Variants in NEXN observed in about 807,000 individuals in gnomAD.
NEXN encodes the protein nexilin.
Under a neutral mutation model 92.6 loss-of-function variants are expected in NEXN, and 65 were observed. The observed-to-expected ratio is 0.70, with a 90% CI of 0.57 to 0.86. The LOEUF (loss-of-function observed/expected upper bound fraction) is 0.86, where lower values mean the gene tolerates loss of function less well. NEXN is among the 40% of genes least tolerant of loss of function. NEXN has a pLI of 0.00. For synonymous variants in NEXN, 254 were observed against 242.5 expected, an observed-to-expected ratio of 1.05 and a Z score of -0.44; for missense variants, 778 against 771.1, an observed-to-expected ratio of 1.01 and a Z score of -0.11.
intron 6 of NEXN, 121 bp downstream of exon 6, chr1:77,925,350 CA>C: frequency 3.9e-6 from 3 of 760,044 alleles, no homozygotes; most frequent in Non-Finnish European, 6.7e-6. Context: ...GTAGAAATAA[CA>C]AAAAAGTATG....
intron 8 of NEXN, among the ~76,000 whole-genome samples, chr1:77,928,838 C>T (rs1035770363): frequency 7.2e-5 from 11 of 152,208 alleles, no homozygotes; most frequent in South Asian, 6.2e-4. Flanking sequence ...CCTCAACCTA[C>T]TGGGCTCAAG....
At chr1:77,899,405 A>G (rs950704271) in intron 1 of NEXN, among the ~76,000 whole-genome samples, 2 of 152,124 alleles carry the variant, frequency 1.3e-5, no homozygotes, top group African/African-American at 4.8e-5. Context: ...AACTATCGCA[A>G]GGACAAAAAA....
At position 77,936,156 on chromosome 1, in the gene NEXN, ATACAG is replaced by A. The variant is rs200998362; in HGVS notation, c.1473+115_1473+119del. 18,969 of 769,248 alleles carry A rather than the reference ATACAG, an allele frequency of 0.025. 328 individuals are homozygous for A. Among genetic ancestry groups the A allele is most frequent in the Middle Eastern group, 0.074 (208 of 2,800 alleles). 47.7% of individuals were successfully genotyped at this position (769,248 alleles called of 1,614,324 possible). A position where few individuals can be genotyped will look rare whatever the true frequency, so the allele number is the denominator to read the frequency against. On this transcript the variant is annotated intron_variant, in intron 11 of 12. Transcript: ENST00000334785. ...AGTACTTAAAATTAATCATTGGTAT[ATACAG>A]TAATCTGGGAAGTAAATAGCAAAAC...
chr1:77,933,581 A>C (rs149519259), intron 10 of NEXN, 102 bp downstream of exon 10: 1 of 906,308 alleles, frequency 1.1e-6, no homozygotes, highest in Non-Finnish European at 1.8e-6. Flanking sequence ...CCTTTAGGAT[A>C]GTTGACATAG....
intron 1 of NEXN, among the ~76,000 whole-genome samples, chr1:77,908,077 CT>C (rs1269579422): frequency 2.8e-4 from 43 of 151,966 alleles, no homozygotes; most frequent in Admixed American, 1.0e-3. Flanking sequence ...AGTGAGACCC[CT>C]GTCTCTATTT....
At chr1:77,891,820 G>A (rs947548863) in intron 1 of NEXN, among the ~76,000 whole-genome samples, 1 of 151,138 alleles carries the variant, frequency 6.6e-6, no homozygotes, top group Non-Finnish European at 1.5e-5. Context: ...GCTCATGCCT[G>A]TAATCCAAGC....
At chr1:77,939,276 G>GT (rs1329133696) in intron 11 of NEXN, among the ~76,000 whole-genome samples, 1 of 152,190 alleles carries the variant, frequency 6.6e-6, no homozygotes, top group Non-Finnish European at 1.5e-5. Context: ...GGCATGTAAA[G>GT]TTTGAGTGAT....
At chr1:77,896,170 CAATAAATA>C (rs60137071) in intron 1 of NEXN, among the ~76,000 whole-genome samples, 1 of 144,248 alleles carries the variant, frequency 6.9e-6, no homozygotes, top group Admixed American at 7.0e-5. Flanking sequence ...GACTTTGTCT[CAATAAATA>C]AATAAATAAA....
chr1:77,914,772 G>T (rs974055937), intron 1 of NEXN, among the ~76,000 whole-genome samples: 1 of 151,278 alleles, frequency 6.6e-6, no homozygotes, highest in Non-Finnish European at 1.5e-5. Flanking sequence ...CAGGAGAATC[G>T]CTTGAAACTG....
intron 9 of NEXN, among the ~76,000 whole-genome samples, chr1:77,930,512 T>C (rs1375384672): frequency 6.6e-6 from 1 of 152,246 alleles, no homozygotes; most frequent in African/African-American, 2.4e-5. Flanking sequence ...AAGAAAGAAA[T>C]TTTGATTGTG....
At chr1:77,929,829 T>A (rs1650148168) in intron 9 of NEXN, among the ~76,000 whole-genome samples, 1 of 152,216 alleles carries the variant, frequency 6.6e-6, no homozygotes, top group East Asian at 1.9e-4. Flanking sequence ...CCTCAACTTT[T>A]CTTTCTTCCT....
At chr1:77,916,194 G>A in intron 2 of NEXN, 61 bp downstream of exon 2, 1 of 1,330,350 alleles carries the variant, frequency 7.5e-7, no homozygotes, top group Non-Finnish European at 1.1e-6. Context: ...CTGTAGAATT[G>A]CTGAAAGGAC....
At chr1:77,931,223 TAAAAATACAAAAAAAAA>T (rs1374224346) in intron 9 of NEXN, among the ~76,000 whole-genome samples, 1 of 82,942 alleles carries the variant, frequency 1.2e-5, no homozygotes, top group Non-Finnish European at 2.2e-5. Flanking sequence ...CCGTCTCTAC[TAAAAATACAAAAAAAAA>T]AAAAAAAAAA....
chr1:77,933,558 GTAT>G (rs1160174441), intron 10 of NEXN, 79 bp downstream of exon 10: 6 of 1,048,574 alleles, frequency 5.7e-6, no homozygotes, highest in African/African-American at 1.6e-5. Flanking sequence ...TAATAACTTT[GTAT>G]TATTATTCAC....
intron 1 of NEXN, among the ~76,000 whole-genome samples, chr1:77,915,443 C>T (rs1648893454): frequency 6.6e-6 from 1 of 152,122 alleles, no homozygotes; most frequent in Non-Finnish European, 1.5e-5. Flanking sequence ...TCCTGGCTAA[C>T]ACGGTGAAAC....
intron 1 of NEXN, among the ~76,000 whole-genome samples, chr1:77,893,944 C>T (rs189248681): frequency 1.1e-4 from 16 of 152,116 alleles, no homozygotes; most frequent in African/African-American, 3.6e-4. Flanking sequence ...TCTCTTGCCT[C>T]AGCCTCCCGA....
Position 77,918,113 on chromosome 1 carries a change from A to G in NEXN, c.299-12A>G, listed in dbSNP as rs1263488057. On this transcript the variant is annotated splice_polypyrimidine_tract_variant and intron_variant, in intron 4 of 12. Coordinates refer to ENST00000334785, the MANE Select transcript of NEXN (RefSeq NM_144573.4). The stretch of plus-strand genomic sequence containing the variant: ...TAACCAAGTATCAAACTTTTTTTTC[A>G]TATATTTTTAGGAACTGTGAAGGGT... 1.9e-6 allele frequency: 3 copies of G among 1,613,522 alleles called. No homozygotes were observed. The highest frequency in any genetic ancestry group is 1.7e-5 in the Admixed American group (1 of 59,990).
chr1:77,937,699 A>C (rs1352274015), intron 11 of NEXN, among the ~76,000 whole-genome samples: 1 of 152,164 alleles, frequency 6.6e-6, no homozygotes, highest in Non-Finnish European at 1.5e-5. Context: ...AAAAAAATAA[A>C]AAATAAAAAA....
chr1:77,916,028 T>G lies in NEXN; in HGVS notation c.-52-27T>G, dbSNP rs750595641. 243 of 826,584 alleles carry G rather than the reference T, an allele frequency of 2.9e-4. 1 individual carries two copies. Among genetic ancestry groups the G allele is most frequent in the Non-Finnish European group, 4.0e-4 (237 of 599,980 alleles). The allele number at this position is 826,584 out of a possible 1,614,324, so 51.2% of individuals were successfully genotyped here. A position where few individuals can be genotyped will look rare whatever the true frequency, so the allele number is the denominator to read the frequency against. On this transcript the variant is annotated intron_variant, in intron 1 of 12. Coordinates refer to ENST00000334785, the MANE Select transcript of NEXN (RefSeq NM_144573.4). ...TAATATATTACAAATAAATTAAAAT[T>G]TATTATACAATATAAATTTTTTTCA... is the stretch of plus-strand genomic sequence containing the variant.
Sources: allele counts gnomAD v4.1 joint callset (sites outside exome capture counted in the v4.1 genomes callset), GRCh38; gene constraint gnomAD v4.1.1; transcripts MANE v1.5; gene names NCBI Gene and HGNC (gene_info 2026-07-23, HGNC 2026-07-21).